Variants in NAV2 observed in about 807,000 individuals in gnomAD.
NAV2 encodes the protein neuron navigator 2.
Under a neutral mutation model 223.2 loss-of-function variants are expected in NAV2, and 54 were observed. The observed-to-expected ratio is 0.24, with a 90% CI of 0.19 to 0.30. NAV2 has a LOEUF of 0.30. NAV2 is among the 10% of genes least tolerant of loss of function. The pLI is 1.00. For synonymous variants in NAV2, 1,279 were observed against 1,239.3 expected (o/e 1.03, Z -0.67); for missense variants, 2,806 against 3,147.5 (o/e 0.89, Z 2.60).
At chr11:19,527,655 A>G (rs1188594691) in intron 1 of NAV2, among the ~76,000 whole-genome samples, 1 of 105,478 alleles carries the variant, frequency 9.5e-6, no homozygotes, top group African/African-American at 3.7e-5. Flanking sequence ...CTCCGCATCC[A>G]GCACTCTCTT....
chr11:19,532,974 A>G (rs1172936955), intron 1 of NAV2, among the ~76,000 whole-genome samples: 1 of 152,126 alleles, frequency 6.6e-6, no homozygotes, highest in Non-Finnish European at 1.5e-5. Flanking sequence ...TGACCATATT[A>G]TTTGCTAGTC....
intron 1 of NAV2, among the ~76,000 whole-genome samples, chr11:19,607,074 G>A (rs374733493): frequency 4.6e-5 from 7 of 152,308 alleles, no homozygotes; most frequent in Admixed American, 3.3e-4. Flanking sequence ...GGCTCTAATC[G>A]GACTTGCAGA....
chr11:19,743,841 G>A (rs535172278), intron 1 of NAV2, among the ~76,000 whole-genome samples: 11 of 151,950 alleles, frequency 7.2e-5, no homozygotes, highest in East Asian at 1.9e-4. Context: ...CAAAGAGCCT[G>A]GAGTGTCTAC....
intron 26 of NAV2, among the ~76,000 whole-genome samples, chr11:20,084,413 A>G (rs931493128): frequency 3.9e-5 from 6 of 152,278 alleles, no homozygotes; most frequent in Admixed American, 3.9e-4. Context: ...TATGACTTTT[A>G]AGCAACCTCA....
chr11:19,582,921 T>C (rs2045769461), intron 1 of NAV2, among the ~76,000 whole-genome samples: 1 of 152,344 alleles, frequency 6.6e-6, no homozygotes, highest in South Asian at 2.1e-4. Context: ...AAGAAAGTCA[T>C]TGATAGCTTG....
chr11:19,798,099 CAGG>C (rs1179179246), intron 1 of NAV2, among the ~76,000 whole-genome samples: 6 of 152,190 alleles, frequency 3.9e-5, no homozygotes, highest in Non-Finnish European at 1.5e-5. Flanking sequence ...CAGACCCACC[CAGG>C]AGAAGACCAG....
chr11:19,444,670 C>T (rs908366561), intron 1 of NAV2, among the ~76,000 whole-genome samples: 1 of 151,914 alleles, frequency 6.6e-6, no homozygotes, highest in Non-Finnish European at 1.5e-5. Flanking sequence ...GTTAAAGCAG[C>T]TAATACTACC....
intron 1 of NAV2, among the ~76,000 whole-genome samples, chr11:19,656,319 G>A (rs549539822): frequency 2.0e-4 from 31 of 152,298 alleles, no homozygotes; most frequent in African/African-American, 7.5e-4. Flanking sequence ...GGTTTTTGTG[G>A]TGCGTCATGC....
chr11:19,560,046 T>G (rs1673946474), intron 1 of NAV2, among the ~76,000 whole-genome samples: 1 of 152,242 alleles, frequency 6.6e-6, no homozygotes, highest in South Asian at 2.1e-4. Flanking sequence ...TTATTAAATT[T>G]GATCCTCATC....
At chr11:19,870,237 G>A (rs542956544) in intron 4 of NAV2, among the ~76,000 whole-genome samples, 2 of 152,226 alleles carry the variant, frequency 1.3e-5, no homozygotes, top group East Asian at 3.9e-4. Context: ...GCTGACATGT[G>A]GAATATGCTT....
At chr11:20,065,695 A>C (rs1305377171) in intron 20 of NAV2, among the ~76,000 whole-genome samples, 1 of 152,250 alleles carries the variant, frequency 6.6e-6, no homozygotes, top group Non-Finnish European at 1.5e-5. Context: ...ACAGGTGGGC[A>C]CAGTGACAGA....
At chr11:20,087,717 T>C (rs1342687005) in intron 26 of NAV2, among the ~76,000 whole-genome samples, 1 of 152,128 alleles carries the variant, frequency 6.6e-6, no homozygotes. Context: ...GAGCGCCTAG[T>C]GGGTATAGTT....
intron 1 of NAV2, among the ~76,000 whole-genome samples, chr11:19,722,476 C>T (rs1345726860): frequency 6.6e-6 from 1 of 152,148 alleles, no homozygotes; most frequent in East Asian, 1.9e-4. Context: ...CTCCAGGAAG[C>T]CTTCTGCCAC....
At chr11:19,881,949 G>T (rs187922059) in intron 5 of NAV2, among the ~76,000 whole-genome samples, 1 of 152,294 alleles carries the variant, frequency 6.6e-6, no homozygotes, top group East Asian at 1.9e-4. Context: ...AGGAGAGAGG[G>T]CTGCTACCAT....
rs10590815 is a variant in NAV2 at position 20,107,057 on chromosome 11, A to AT, written c.6842-569dup. On this transcript the variant is annotated intron_variant, in intron 35 of 37. Coordinates refer to ENST00000349880, the MANE Select transcript of NAV2 (RefSeq NM_145117.5). ...TTTGGACTTGCAGTCATGGGCTTCC[A>AT]TTTTTTTTTTTTTTTTTTTTTTTTT... Among the ~76,000 whole-genome samples the AT allele has an allele frequency of 1.7e-3, 45 of 27,254 alleles. 12 individuals are homozygous for AT. The highest frequency in any genetic ancestry group is 5.5e-3 in the African/African-American group (41 of 7,388). The allele number at this position is 27,254 out of a possible 152,430, so 17.9% of individuals were successfully genotyped here.
chr11:19,966,678 T>TC (rs1280132944), intron 10 of NAV2, among the ~76,000 whole-genome samples: 1 of 152,140 alleles, frequency 6.6e-6, no homozygotes, highest in Admixed American at 6.6e-5. Context: ...CCACAATCCT[T>TC]CAAGAGTCTA....
At chr11:19,771,627 G>C (rs566594955) in intron 1 of NAV2, among the ~76,000 whole-genome samples, 1 of 151,956 alleles carries the variant, frequency 6.6e-6, no homozygotes, top group Non-Finnish European at 1.5e-5. Context: ...CTGAGTTGTC[G>C]GGGGAGCCAG....
At chr11:20,006,138 G>C (rs556628111) in intron 11 of NAV2, among the ~76,000 whole-genome samples, 120 of 152,264 alleles carry the variant, frequency 7.9e-4, no homozygotes, top group South Asian at 5.4e-3. Context: ...TCCTGCGTGA[G>C]GTGAGAAGGA....
chr11:19,662,831 C>T (rs1428661121), intron 1 of NAV2, among the ~76,000 whole-genome samples: 1 of 152,226 alleles, frequency 6.6e-6, no homozygotes. Context: ...GGGCTGCACG[C>T]CCTCCTCTTG....
Sources: allele counts gnomAD v4.1 joint callset (sites outside exome capture counted in the v4.1 genomes callset), GRCh38; gene constraint gnomAD v4.1.1; transcripts MANE v1.5; gene names NCBI Gene and HGNC (gene_info 2026-07-23, HGNC 2026-07-21).